The following SHTN1 variants were observed in gnomAD, a reference collection of about 807,000 sequenced individuals.
SHTN1 encodes shootin 1, also known as shootin-1.
Under a neutral mutation model 83.1 loss-of-function variants are expected in SHTN1, and 42 were observed. That is an observed-to-expected ratio of 0.51 (90% CI 0.39 to 0.65). SHTN1 has a LOEUF of 0.65. Ranked by LOEUF, SHTN1 falls within the 30% of genes least tolerant of loss-of-function variation. The probability of loss-of-function intolerance (pLI) is 0.00; values close to 1 mark genes in which losing one functional copy is unlikely to be tolerated. For missense variants in SHTN1, 622 were observed against 737.8 expected (o/e 0.84, Z 1.82); for synonymous variants, 224 against 247.7 (o/e 0.90, Z 0.90).
chr10:116,936,375 T>A (rs759116716), intron 9 of SHTN1, among the ~76,000 whole-genome samples: 1 of 152,248 alleles, frequency 6.6e-6, no homozygotes, highest in Non-Finnish European at 1.5e-5. Flanking sequence ...TGTATCTCTG[T>A]TCTCATTGGT....
At chr10:116,905,883 GCA>G (rs1355208071) in intron 15 of SHTN1, among the ~76,000 whole-genome samples, 1 of 152,124 alleles carries the variant, frequency 6.6e-6, no homozygotes. Context: ...CTGAAGACAC[GCA>G]CAGTTATGGG....
rs564853509 is a variant in SHTN1 at position 117,056,376 on chromosome 10, T to C, written c.-188-7866A>G. ...GAATTATACAGCACAACCAAGTATT[T>C]ATTTCAGGTATGCAAGTTTAGTTCA... On this transcript the variant is annotated intron_variant, in intron 1 of 17. Transcript: ENST00000392901. 3.9e-5 allele frequency among the ~76,000 whole-genome samples: 6 copies of C among 152,324 alleles called. No homozygotes were observed. In the South Asian group the frequency reaches 1.2e-3, roughly 32 times the overall value.
intron 1 of SHTN1, among the ~76,000 whole-genome samples, chr10:117,061,722 T>A (rs773826838): frequency 6.6e-6 from 1 of 152,074 alleles, no homozygotes; most frequent in Non-Finnish European, 1.5e-5. Flanking sequence ...CCGCCTGCCT[T>A]GGCCTCCCAA....
At chr10:116,951,868 A>G in intron 6 of SHTN1, 41 bp downstream of exon 6, 1 of 1,176,880 alleles carries the variant, frequency 8.5e-7, no homozygotes, top group Non-Finnish European at 1.2e-6. Context: ...AAACACCTTG[A>G]AAATGCTAAA....
At chr10:117,113,181 A>G (rs895586750) in intron 1 of SHTN1, among the ~76,000 whole-genome samples, 7 of 152,242 alleles carry the variant, frequency 4.6e-5, no homozygotes, top group African/African-American at 1.7e-4. Flanking sequence ...TCTTTGAGAA[A>G]GCCTACACCT....
intron 2 of SHTN1, among the ~76,000 whole-genome samples, chr10:116,978,307 T>C (rs983183432): frequency 3.9e-5 from 6 of 152,204 alleles, no homozygotes; most frequent in Non-Finnish European, 7.3e-5. Context: ...CCAGTTTTTA[T>C]TACAGCTCTT....
chr10:117,005,392 T>G, upstream of SHTN1: 1 of 1,173,050 alleles, frequency 8.5e-7, no homozygotes, highest in Non-Finnish European at 1.1e-6. Context: ...CAGGACGCGC[T>G]GGTGGGAGGG....
intron 15 of SHTN1, among the ~76,000 whole-genome samples, chr10:116,904,727 T>G (rs1250882976): frequency 6.6e-6 from 1 of 152,206 alleles, no homozygotes; most frequent in Non-Finnish European, 1.5e-5. Flanking sequence ...CTATATTAAC[T>G]AAAATAAAAA....
chr10:117,102,264 A>G lies in SHTN1; in HGVS notation c.-189+24043T>C, dbSNP rs1657504. Among the ~76,000 whole-genome samples the G allele has an allele frequency of 6.0e-4, 91 of 152,298 alleles. 1 individual carries two copies. The highest frequency in any genetic ancestry group is 2.1e-3 in the African/African-American group (88 of 41,578). On this transcript the variant is annotated intron_variant, in intron 1 of 17. Transcript: ENST00000392901. ...TAGAACAGTAATACAGCTATCCTTT[A>G]GACTCCTGCAAACCAAATCTCAAAT...
At chr10:117,059,859 CTG>C (rs1197947447) in intron 1 of SHTN1, among the ~76,000 whole-genome samples, 2 of 152,136 alleles carry the variant, frequency 1.3e-5, no homozygotes, top group African/African-American at 4.8e-5. Context: ...TAGAATCTCT[CTG>C]TATTATCTTT....
chr10:116,953,322 T>C (rs1042675104), intron 5 of SHTN1, among the ~76,000 whole-genome samples: 2 of 152,196 alleles, frequency 1.3e-5, no homozygotes, highest in Non-Finnish European at 2.9e-5. Context: ...TATATTTTTA[T>C]TCATTGTTTC....
intron 11 of SHTN1, among the ~76,000 whole-genome samples, chr10:116,924,744 C>CT (rs1564879304): frequency 1.5e-5 from 2 of 133,668 alleles, no homozygotes; most frequent in African/African-American, 5.9e-5. Context: ...GAATTTTCAC[C>CT]TATTTTTTTT....
chr10:116,937,928 A>G (rs767344471), intron 9 of SHTN1, among the ~76,000 whole-genome samples: 5 of 151,038 alleles, frequency 3.3e-5, no homozygotes, highest in Non-Finnish European at 7.4e-5. Context: ...TCAATCTCTG[A>G]TATCTTGTCT....
chr10:116,991,245 G>A (rs1041322182), intron 1 of SHTN1, among the ~76,000 whole-genome samples: 1 of 152,146 alleles, frequency 6.6e-6, no homozygotes, highest in African/African-American at 2.4e-5. Context: ...TGTAGTTTTC[G>A]TATTGAGTCA....
chr10:116,883,354 C>T lies in SHTN1; in HGVS notation c.*2990G>A, dbSNP rs1255564967. ...AGAAATGAAAGAAACAGTCACATAC[C>T]AAATTAAAATGACTGTGGGATAGGG... On this transcript the variant is annotated 3_prime_UTR_variant, in exon 17 of 17. Transcript: ENST00000355371. 1 of 151,798 alleles carries T rather than the reference C, an allele frequency of 6.6e-6. No homozygotes were observed. The highest frequency in any genetic ancestry group is 1.9e-4 in the East Asian group (1 of 5,180). The allele number at this position is 151,798 out of a possible 1,614,324, so 9.4% of individuals were successfully genotyped here.
At chr10:116,987,794 A>C (rs1021642130) in intron 1 of SHTN1, among the ~76,000 whole-genome samples, 2 of 152,074 alleles carry the variant, frequency 1.3e-5, no homozygotes, top group Admixed American at 6.6e-5. Flanking sequence ...ATGTGCCTGT[A>C]GTCCCAGCTA....
intron 2 of SHTN1, among the ~76,000 whole-genome samples, chr10:117,010,718 A>T (rs1275785984): frequency 6.6e-6 from 1 of 152,196 alleles, no homozygotes; most frequent in African/African-American, 2.4e-5. Flanking sequence ...AACACATTAA[A>T]AGGATTATAC....
At chr10:116,900,833 A>G (rs1847703790) in intron 16 of SHTN1, 1 of 985,326 alleles carries the variant, frequency 1.0e-6, no homozygotes, top group South Asian at 4.7e-5. Flanking sequence ...GTAAATCAGC[A>G]AAGAAGGCCA....
chr10:116,983,164 C>A (rs906393587), intron 1 of SHTN1, among the ~76,000 whole-genome samples: 11 of 152,108 alleles, frequency 7.2e-5, no homozygotes, highest in African/African-American at 2.7e-4. Flanking sequence ...TTGGGCAAAT[C>A]AGTTAATCTC....
Sources: allele counts gnomAD v4.1 joint callset (sites outside exome capture counted in the v4.1 genomes callset), GRCh38; gene constraint gnomAD v4.1.1; transcripts MANE v1.5; gene names NCBI Gene and HGNC (gene_info 2026-07-23, HGNC 2026-07-21).